PATL2: variants seen among roughly 807,000 people sequenced by gnomAD.
PATL2 encodes PAT1 homolog 2.
A neutral mutation model predicts 77.0 loss-of-function variants in PATL2; 73 were observed. That is an observed-to-expected ratio of 0.95 (90% CI 0.78 to 1.15). The LOEUF (loss-of-function observed/expected upper bound fraction) is 1.15, where lower values mean the gene tolerates loss of function less well. PATL2 is among the 50% of genes most tolerant of loss of function. The pLI, the probability that PATL2 is intolerant of heterozygous loss-of-function variation, is 0.00. For synonymous variants in PATL2, 265 were observed against 257.1 expected, an observed-to-expected ratio of 1.03 and a Z score of -0.29; for missense variants, 618 against 655.4, an observed-to-expected ratio of 0.94 and a Z score of 0.62.
At chr15:44,690,219 A>G (rs992886207) in intron 3 of PATL2, among the ~76,000 whole-genome samples, 2 of 152,202 alleles carry the variant, frequency 1.3e-5, no homozygotes, top group African/African-American at 4.8e-5. Context: ...CTAAATGTAA[A>G]GACGGACCTT....
At chr15:44,702,916 A>G (rs1209285004) in intron 3 of PATL2, among the ~76,000 whole-genome samples, 1 of 152,070 alleles carries the variant, frequency 6.6e-6, no homozygotes, top group Non-Finnish European at 1.5e-5. Context: ...TATCCTTGAG[A>G]ATGATCCATG....
At chr15:44,686,750 A>T (rs2086266885) in intron 3 of PATL2, among the ~76,000 whole-genome samples, 2 of 152,222 alleles carry the variant, frequency 1.3e-5, no homozygotes, top group South Asian at 4.1e-4. Flanking sequence ...AGAAATACAA[A>T]CTAGCATCAG....
chr15:44,700,952 T>A (rs1377721548), intron 3 of PATL2, among the ~76,000 whole-genome samples: 1 of 152,056 alleles, frequency 6.6e-6, no homozygotes, highest in African/African-American at 2.4e-5. Flanking sequence ...CTATGTCCAG[T>A]TTTTGGGGGG....
At chr15:44,703,122 A>T (rs534726327) in intron 3 of PATL2, among the ~76,000 whole-genome samples, 3 of 152,170 alleles carry the variant, frequency 2.0e-5, no homozygotes, top group African/African-American at 7.2e-5. Flanking sequence ...AAAAATACAA[A>T]AAAATTAGCT....
At chr15:44,671,271 T>G (rs760105543) in intron 9 of PATL2, among the ~76,000 whole-genome samples, 17 of 152,014 alleles carry the variant, frequency 1.1e-4, no homozygotes, top group Non-Finnish European at 2.1e-4. Context: ...GGTGGATCAC[T>G]TGAGGTCAGA....
intron 15 of PATL2, 73 bp downstream of exon 15, chr15:44,668,269 C>T (rs1218661357): frequency 1.4e-6 from 2 of 1,460,860 alleles, no homozygotes; most frequent in African/African-American, 2.8e-5. Context: ...ATGAGACTGT[C>T]CCCCAACTTA....
At chr15:44,698,699 AAC>A (rs1346752766) in intron 3 of PATL2, among the ~76,000 whole-genome samples, 1 of 152,254 alleles carries the variant, frequency 6.6e-6, no homozygotes, top group Non-Finnish European at 1.5e-5. Context: ...TGCTGCAATA[AAC>A]ATGAAAATGC....
At chr15:44,675,212 C>T (rs1308921681) in intron 5 of PATL2, 1 of 417,452 alleles carries the variant, frequency 2.4e-6, no homozygotes, top group African/African-American at 2.0e-5. Context: ...ACGTGACTCA[C>T]CTTTAACGCT....
chr15:44,697,138 C>T (rs1488794814), intron 3 of PATL2, among the ~76,000 whole-genome samples: 11 of 151,710 alleles, frequency 7.3e-5, no homozygotes, highest in African/African-American at 2.7e-4. Context: ...TCTTCTCCTC[C>T]TCCTCCCTCT....
intron 3 of PATL2, among the ~76,000 whole-genome samples, chr15:44,693,644 G>GC (rs2086442137): frequency 6.6e-6 from 1 of 151,762 alleles, no homozygotes; most frequent in African/African-American, 2.4e-5. Context: ...GCATTATTCT[G>GC]CCTACCACAA....
intron 3 of PATL2, among the ~76,000 whole-genome samples, chr15:44,687,632 T>C (rs753728140): frequency 4.6e-5 from 7 of 151,488 alleles, no homozygotes; most frequent in Admixed American, 1.3e-4. Context: ...TGCTTGCAGA[T>C]GACATGATTG....
At chr15:44,667,821 T>TA (rs1411508045) in intron 15 of PATL2, among the ~76,000 whole-genome samples, 5 of 152,118 alleles carry the variant, frequency 3.3e-5, no homozygotes, top group Admixed American at 1.3e-4. Flanking sequence ...CGAACACTTG[T>TA]AATCCCAGCT....
intron 3 of PATL2, among the ~76,000 whole-genome samples, chr15:44,681,104 C>A (rs147446216): frequency 0.019 from 2,850 of 152,238 alleles, 31 homozygotes; most frequent in Middle Eastern, 0.031. Flanking sequence ...GATTATAGCT[C>A]ACTGCAAACT....
intron 3 of PATL2, among the ~76,000 whole-genome samples, chr15:44,693,875 G>T (rs1360312015): frequency 1.3e-5 from 2 of 151,530 alleles, no homozygotes; most frequent in Admixed American, 6.6e-5. Context: ...AATTTTTTTT[G>T]TATTTTTAGT....
chr15:44,675,226 A>G, intron 5 of PATL2: 1 of 446,592 alleles, frequency 2.2e-6, no homozygotes, highest in South Asian at 3.7e-5. Context: ...TAACGCTAGT[A>G]GCAGGGCCAC....
In PATL2 at chr15:44,667,853, G is replaced by T. The variant is rs940019482; in HGVS notation, c.1365+489C>A. Among the ~76,000 whole-genome samples the T allele has an allele frequency of 1.7e-4, 26 of 152,200 alleles. 1 individual carries two copies. Among genetic ancestry groups the T allele is most frequent in the African/African-American group, 6.3e-4 (26 of 41,452 alleles). On this transcript the variant is annotated intron_variant, in intron 15 of 17. Coordinates refer to ENST00000682850, the MANE Select transcript of PATL2 (RefSeq NM_001387263.1). Reference sequence around the variant, plus strand: ...AGCTACTTGGGAGGCTGAGGCAGGAGAATGGCGTGAACCCAGGAGGCAGAG... The same window carrying T: ...AGCTACTTGGGAGGCTGAGGCAGGATAATGGCGTGAACCCAGGAGGCAGAG...
At chr15:44,692,585 C>T (rs1212248391) in intron 3 of PATL2, among the ~76,000 whole-genome samples, 1 of 152,218 alleles carries the variant, frequency 6.6e-6, no homozygotes. Flanking sequence ...GAGGAACTTT[C>T]CCCAGTGCCG....
At chr15:44,693,312 C>T (rs1036772908) in intron 3 of PATL2, among the ~76,000 whole-genome samples, 3 of 152,154 alleles carry the variant, frequency 2.0e-5, no homozygotes, top group Admixed American at 1.3e-4. Context: ...AGGTGGCAGC[C>T]GAGAAGCACT....
In PATL2 at chr15:44,672,064, A is replaced by T. The variant is rs1023630775; in HGVS notation, c.608T>A (p.Met203Lys). 1.4e-5 allele frequency: 21 copies of T among 1,551,682 alleles called. No individual in the cohort carries two copies. The highest frequency in any genetic ancestry group is 1.7e-5 in the Non-Finnish European group (19 of 1,146,984). Residue 203 changes from methionine to lysine, a missense_variant, in exon 9 of 18, where the codon ATG becomes AAG. By Grantham distance (95) the Met-to-Lys change is moderately conservative. Transcript: ENST00000682850. ...GGGTTTTGCACTCTGCAGCTGCACC[A>T]TCTGCACTTTTATCACCCAGTCCTT... Reference protein sequence around the residue: ...KEKDWVIKVQMVQLQSAKPRL... With the variant: ...KEKDWVIKVQKVQLQSAKPRL...
Sources: gnomAD v4.1 joint callset for allele counts (sites outside exome capture counted in the v4.1 genomes callset) on GRCh38, gnomAD v4.1.1 for gene constraint, MANE v1.5 for transcripts, NCBI Gene and HGNC (gene_info 2026-07-23, HGNC 2026-07-21) for gene names.